The following TMEM232 variants were observed in gnomAD, a reference collection of about 807,000 sequenced individuals.
TMEM232 encodes the protein transmembrane protein 232.
TMEM232 carries 80 observed loss-of-function variants against 78.8 expected under a neutral mutation model. The ratio of observed to expected loss-of-function variants is 1.01; its 90% confidence interval spans 0.85 to 1.22. The LOEUF is 1.22. Ranked by LOEUF, TMEM232 falls within the 50% of genes most tolerant of loss-of-function variation. TMEM232 has a pLI of 0.00. For missense variants in TMEM232, 881 were observed against 742.2 expected, an observed-to-expected ratio of 1.19 and a Z score of -2.17; for synonymous variants, 297 against 254.3, an observed-to-expected ratio of 1.17 and a Z score of -1.60.
intron 12 of TMEM232, among the ~76,000 whole-genome samples, chr5:110,471,490 G>T (rs886908338): frequency 6.6e-6 from 1 of 151,962 alleles, no homozygotes; most frequent in South Asian, 2.1e-4. Context: ...ACAATGAGAG[G>T]ATTTTAAAGA....
At position 110,683,652 on chromosome 5, in the gene TMEM232, C is replaced by A. The variant is rs369543082; in HGVS notation, c.-12-16288G>T. 3.3e-5 allele frequency among the ~76,000 whole-genome samples: 5 copies of A among 151,500 alleles called. No homozygotes were observed. The East Asian group carries it at 9.7e-4, about 29-fold the overall frequency. ...TTTTAGTAGTTTTATTATTATTATG[C>A]CTTTTTAGAGTTTCAACAATCTTAT... On this transcript the variant is annotated intron_variant, in intron 1 of 13. Coordinates refer to ENST00000455884, the MANE Select transcript of TMEM232 (RefSeq NM_001039763.4).
At chr5:110,439,337 TATTTA>T (rs775598084) in intron 12 of TMEM232, among the ~76,000 whole-genome samples, 3 of 152,104 alleles carry the variant, frequency 2.0e-5, no homozygotes, top group Non-Finnish European at 4.4e-5. Flanking sequence ...ATATTGTAAC[TATTTA>T]ATTAATCTCG....
At chr5:110,515,833 A>G (rs533185334) in intron 12 of TMEM232, among the ~76,000 whole-genome samples, 1 of 152,330 alleles carries the variant, frequency 6.6e-6, no homozygotes, top group Non-Finnish European at 1.5e-5. Flanking sequence ...CCCTTCCTGT[A>G]AAGTCAGCTG....
chr5:110,475,469 T>TTA (rs869233976), intron 12 of TMEM232, among the ~76,000 whole-genome samples: 2 of 146,186 alleles, frequency 1.4e-5, no homozygotes, highest in Admixed American at 6.8e-5. Flanking sequence ...TTTTTTTTTT[T>TTA]ACAAAAACCA....
rs142391580 is a variant in TMEM232, at chr5:110,420,761, T to C, written c.1798-5A>G. 12,109 of 1,510,084 alleles carry C rather than the reference T, an allele frequency of 8.0e-3. 63 individuals are homozygous for C. The highest frequency in any genetic ancestry group is 9.5e-3 in the Non-Finnish European group (10,866 of 1,138,694). 93.5% of individuals were successfully genotyped at this position (1,510,084 alleles called of 1,614,324 possible). A position where few individuals can be genotyped will look rare whatever the true frequency, so the allele number is the denominator to read the frequency against. ...GATCTTTAGCTCTTCCTGCCACTGT[T>C]ACAGAGAGAAAACGTCATTCACATG... is the stretch of plus-strand genomic sequence containing the variant. On this transcript the variant is annotated splice_polypyrimidine_tract_variant and splice_region_variant and intron_variant, in intron 13 of 13. Transcript: ENST00000455884.
chr5:110,436,500 C>T (rs1345735886), intron 12 of TMEM232, among the ~76,000 whole-genome samples: 4 of 151,958 alleles, frequency 2.6e-5, no homozygotes, highest in Non-Finnish European at 5.9e-5. Context: ...GTTGCCTGTG[C>T]TTGTGAAGTA....
At chr5:110,493,421 G>C (rs1160571078) in intron 12 of TMEM232, among the ~76,000 whole-genome samples, 3 of 143,866 alleles carry the variant, frequency 2.1e-5, no homozygotes, top group Non-Finnish European at 4.5e-5. Flanking sequence ...AAATTATAAA[G>C]ACTTACTATA....
chr5:110,657,384 A>AGAGTGT (rs139911313), intron 2 of TMEM232, among the ~76,000 whole-genome samples: 7 of 149,214 alleles, frequency 4.7e-5, no homozygotes, highest in Non-Finnish European at 9.0e-5. Flanking sequence ...TATCTATCTG[A>AGAGTGT]GTGTGTGTGT....
At chr5:110,721,713 A>AG (rs1436869919) in intron 1 of TMEM232, among the ~76,000 whole-genome samples, 18 of 119,784 alleles carry the variant, frequency 1.5e-4, no homozygotes, top group African/African-American at 5.3e-4. Flanking sequence ...GGGAAGTAAG[A>AG]GGGGGTGCGT....
At chr5:110,408,472 A>T (rs1167617132) in intron 2 of TMEM232, among the ~76,000 whole-genome samples, 1 of 151,890 alleles carries the variant, frequency 6.6e-6, no homozygotes, top group Non-Finnish European at 1.5e-5. Flanking sequence ...CATGCCTTTA[A>T]TCCCAGCTAC....
chr5:110,398,172 A>G (rs1052666175), intron 2 of TMEM232, among the ~76,000 whole-genome samples: 7 of 152,186 alleles, frequency 4.6e-5, no homozygotes, highest in Non-Finnish European at 8.8e-5. Flanking sequence ...ACCTGTGTAT[A>G]TCCTAGAAAA....
chr5:110,499,371 C>T (rs940565985), intron 12 of TMEM232, among the ~76,000 whole-genome samples: 2 of 152,134 alleles, frequency 1.3e-5, no homozygotes, highest in Non-Finnish European at 2.9e-5. Context: ...CACACCTGAA[C>T]CTCACGAGTA....
intron 12 of TMEM232, among the ~76,000 whole-genome samples, chr5:110,440,963 C>T (rs1254969023): frequency 6.6e-6 from 1 of 152,170 alleles, no homozygotes; most frequent in Non-Finnish European, 1.5e-5. Flanking sequence ...AATCTAGGCT[C>T]TTTCCATGTT....
At chr5:110,656,688 T>C (rs987403417) in intron 2 of TMEM232, among the ~76,000 whole-genome samples, 3 of 151,820 alleles carry the variant, frequency 2.0e-5, no homozygotes, top group South Asian at 4.2e-4. Flanking sequence ...AATACAAAAA[T>C]TAGCTGGGCG....
At chr5:110,518,123 ACTCTCTCT>A (rs71626631) in intron 12 of TMEM232, among the ~76,000 whole-genome samples, 2 of 143,816 alleles carry the variant, frequency 1.4e-5, no homozygotes, top group African/African-American at 2.5e-5. Context: ...CTCTATGTCT[ACTCTCTCT>A]CTCTCTCTCT....
intron 11 of TMEM232, among the ~76,000 whole-genome samples, chr5:110,535,029 T>A (rs1395588744): frequency 6.6e-6 from 1 of 151,978 alleles, no homozygotes; most frequent in Non-Finnish European, 1.5e-5. Flanking sequence ...CATCACCCAT[T>A]ATCTCTCCAT....
chr5:110,464,501 T>C (rs922528599), intron 12 of TMEM232, among the ~76,000 whole-genome samples: 5 of 152,118 alleles, frequency 3.3e-5, no homozygotes, highest in South Asian at 2.1e-4. Flanking sequence ...CTGGTTGCAA[T>C]TGGAAGAATG....
At chr5:110,390,109 A>G (rs1755126651) in intron 4 of TMEM232, among the ~76,000 whole-genome samples, 1 of 152,018 alleles carries the variant, frequency 6.6e-6, no homozygotes, top group Admixed American at 6.6e-5. Flanking sequence ...CTACACCCAT[A>G]ACCAATTGAG....
chr5:110,490,521 C>A (rs1299291349), intron 12 of TMEM232, among the ~76,000 whole-genome samples: 1 of 152,072 alleles, frequency 6.6e-6, no homozygotes, highest in Admixed American at 6.6e-5. Flanking sequence ...ATTCTAATAT[C>A]ATATGGAAAT....
Sources: allele counts gnomAD v4.1 joint callset (sites outside exome capture counted in the v4.1 genomes callset), GRCh38; gene constraint gnomAD v4.1.1; transcripts MANE v1.5; gene names NCBI Gene and HGNC (gene_info 2026-07-23, HGNC 2026-07-21).